Variants in RGS6 observed in about 807,000 individuals in gnomAD.
RGS6 encodes the protein regulator of G-protein signaling 6.
In RGS6, 30 loss-of-function variants were observed where a neutral mutation model predicts 78.5. The observed-to-expected ratio is 0.38, with a 90% CI of 0.29 to 0.52. The LOEUF is 0.52. Among genes scored for constraint, RGS6 ranks in the 20% least tolerant of loss-of-function variants. The pLI is 0.85. For missense variants in RGS6, 495 were observed against 609.7 expected (o/e 0.81, Z 1.98); for synonymous variants, 206 against 206.0 (o/e 1.00, Z 0.00).
rs150738163 is a variant in RGS6 at position 72,272,797 on chromosome 14, C to T, written c.85-79298C>T. 8.5e-3 allele frequency among the ~76,000 whole-genome samples: 1,295 copies of T among 152,224 alleles called. 22 individuals are homozygous for T. The highest frequency in any genetic ancestry group is 0.03 in the African/African-American group (1,232 of 41,544). ...AATTAGAGATAAAATTATGGCTCTA[C>T]AGTTGAAATATCAGCTTTAAGAGAA... On this transcript the variant is annotated intron_variant, in intron 2 of 17. Transcript: ENST00000553525.
intron 2 of RGS6, among the ~76,000 whole-genome samples, chr14:72,129,240 T>C (rs1307988508): frequency 6.6e-6 from 1 of 152,154 alleles, no homozygotes; most frequent in Non-Finnish European, 1.5e-5. Flanking sequence ...GACAGCTTTA[T>C]GAAAGAAGGA....
At chr14:72,482,718 AAG>A (rs1364898306) in intron 12 of RGS6, among the ~76,000 whole-genome samples, 5 of 152,310 alleles carry the variant, frequency 3.3e-5, no homozygotes, top group African/African-American at 1.2e-4. Flanking sequence ...GTGGGATTCC[AAG>A]AGAGAGAACA....
chr14:72,176,828 C>A (rs548266329), intron 2 of RGS6, among the ~76,000 whole-genome samples: 1 of 152,328 alleles, frequency 6.6e-6, no homozygotes, highest in South Asian at 2.1e-4. Flanking sequence ...CACACACGCT[C>A]GCCCATGTAA....
intron 2 of RGS6, among the ~76,000 whole-genome samples, chr14:71,968,541 T>C (rs2093642871): frequency 6.6e-6 from 1 of 152,184 alleles, no homozygotes; most frequent in South Asian, 2.1e-4. Context: ...TCTTATTTTA[T>C]AGATGAAAGA....
At chr14:72,409,767 T>C (rs1214227462) in intron 3 of RGS6, among the ~76,000 whole-genome samples, 2 of 152,058 alleles carry the variant, frequency 1.3e-5, no homozygotes, top group African/African-American at 4.8e-5. Context: ...CCTGTGTCCA[T>C]GTGTTCTCAT....
intron 2 of RGS6, among the ~76,000 whole-genome samples, chr14:72,052,321 GAGTTTA>G (rs900550804): frequency 6.6e-6 from 1 of 152,160 alleles, no homozygotes; most frequent in Non-Finnish European, 1.5e-5. Context: ...ACCTGTAAAG[GAGTTTA>G]ATAATGGATA....
intron 3 of RGS6, among the ~76,000 whole-genome samples, chr14:72,354,452 C>T (rs1408221422): frequency 6.8e-6 from 1 of 146,398 alleles, no homozygotes; most frequent in African/African-American, 2.6e-5. Flanking sequence ...ATGGCAAAAC[C>T]CTGTCTCTAC....
chr14:72,457,356 A>T (rs2095658947), intron 4 of RGS6, among the ~76,000 whole-genome samples: 1 of 152,234 alleles, frequency 6.6e-6, no homozygotes, highest in Non-Finnish European at 1.5e-5. Flanking sequence ...TCCAAAAATT[A>T]GTTTTAACCT....
chr14:72,337,417 C>T (rs2238194), intron 2 of RGS6, among the ~76,000 whole-genome samples: 40,447 of 151,742 alleles, frequency 0.27, 6,093 homozygotes, highest in East Asian at 0.44. Context: ...AACCCACAAG[C>T]AGAGGAAGGA....
intron 3 of RGS6, among the ~76,000 whole-genome samples, chr14:72,434,038 T>C (rs1224969297): frequency 1.3e-5 from 2 of 152,220 alleles, no homozygotes; most frequent in Non-Finnish European, 2.9e-5. Flanking sequence ...AACGTGTCCG[T>C]TAACATTCAG....
chr14:72,284,480 G>C (rs1443657555), intron 2 of RGS6, among the ~76,000 whole-genome samples: 1 of 152,246 alleles, frequency 6.6e-6, no homozygotes, highest in Non-Finnish European at 1.5e-5. Flanking sequence ...CAAGCCCCAA[G>C]ACTTGGCAGC....
At chr14:71,914,382 G>A in the RGS6 span, among the ~76,000 whole-genome samples, 2 of 152,198 alleles carry the variant, frequency 1.3e-5, no homozygotes, top group Admixed American at 6.5e-5. Context: ...ATAAATTTGG[G>A]GAACCTACAC....
At chr14:71,897,175 A>C in the RGS6 span, among the ~76,000 whole-genome samples, 1 of 152,244 alleles carries the variant, frequency 6.6e-6, no homozygotes, top group African/African-American at 2.4e-5. Flanking sequence ...GTGGTAGATA[A>C]TTGTTTATTG....
chr14:72,434,564 T>C (rs945039352), intron 3 of RGS6, among the ~76,000 whole-genome samples: 1 of 152,160 alleles, frequency 6.6e-6, no homozygotes, highest in African/African-American at 2.4e-5. Context: ...CTGTGAAGTT[T>C]AGAGGCTTGC....
chr14:71,888,430 AAAAG>A, the RGS6 span, among the ~76,000 whole-genome samples: 479 of 151,474 alleles, frequency 3.2e-3, 4 homozygotes, highest in African/African-American at 0.011. Context: ...AAAAAAAAAA[AAAAG>A]AAGAAGAAGA....
intron 17 of RGS6, among the ~76,000 whole-genome samples, chr14:72,555,548 C>T (rs184341725): frequency 9.8e-5 from 15 of 152,322 alleles, no homozygotes; most frequent in African/African-American, 1.4e-4. Context: ...TTGCCCAGTA[C>T]GGGTTGGGCA....
chr14:72,258,436 C>G (rs977134693), intron 2 of RGS6, among the ~76,000 whole-genome samples: 7 of 152,210 alleles, frequency 4.6e-5, no homozygotes, highest in African/African-American at 1.7e-4. Flanking sequence ...GGCCTCATTC[C>G]TAAAGTGATC....
intron 2 of RGS6, among the ~76,000 whole-genome samples, chr14:71,991,696 A>G (rs979772380): frequency 2.6e-5 from 4 of 152,252 alleles, no homozygotes; most frequent in Non-Finnish European, 5.9e-5. Flanking sequence ...ATATTTTAAC[A>G]GAAATAGAGA....
chr14:71,897,476 C>T, the RGS6 span, among the ~76,000 whole-genome samples: 2 of 152,110 alleles, frequency 1.3e-5, no homozygotes, highest in Admixed American at 6.6e-5. Context: ...CTGCTGGTCT[C>T]ATGGTCTCAT....
Sources: allele counts gnomAD v4.1 joint callset (sites outside exome capture counted in the v4.1 genomes callset), GRCh38; gene constraint gnomAD v4.1.1; transcripts MANE v1.5; gene names NCBI Gene and HGNC (gene_info 2026-07-23, HGNC 2026-07-21).